The following EXO1 variants were observed in gnomAD, a reference collection of about 807,000 sequenced individuals.
EXO1 encodes exonuclease 1.
A neutral mutation model predicts 84.5 loss-of-function variants in EXO1; 69 were observed. The ratio of observed to expected loss-of-function variants is 0.82; its 90% CI spans 0.67 to 1.00. EXO1 has a LOEUF of 1.00. Among genes scored for constraint, EXO1 ranks in the 50% least tolerant of loss-of-function variants. The pLI, the probability that EXO1 is intolerant of heterozygous loss-of-function variation, is 0.00. For synonymous variants in EXO1, 373 were observed against 366.1 expected, an observed-to-expected ratio of 1.02 and a Z score of -0.21; for missense variants, 1,045 against 1,000.7, an observed-to-expected ratio of 1.04 and a Z score of -0.60.
intron 7 of EXO1, among the ~76,000 whole-genome samples, chr1:241,857,903 G>A (rs1661155811): frequency 6.6e-6 from 1 of 152,190 alleles, no homozygotes; most frequent in African/African-American, 2.4e-5. Context: ...TTGCCATGCA[G>A]TTATTTAGAA....
At chr1:241,860,149 A>C (rs1661294486) in intron 8 of EXO1, among the ~76,000 whole-genome samples, 1 of 152,184 alleles carries the variant, frequency 6.6e-6, no homozygotes, top group South Asian at 2.1e-4. Context: ...ATGATCTAGA[A>C]ATATTTGCAT....
chr1:241,850,654 C>T (rs1392719978), intron 4 of EXO1, 68 bp downstream of exon 4: 1 of 1,297,926 alleles, frequency 7.7e-7, no homozygotes, highest in Non-Finnish European at 1.1e-6. Flanking sequence ...TTTTTTCTCC[C>T]CCAGAAACGG....
intron 15 of EXO1, among the ~76,000 whole-genome samples, chr1:241,886,180 AAC>A (rs1470791044): frequency 6.6e-6 from 1 of 152,204 alleles, no homozygotes; most frequent in Non-Finnish European, 1.5e-5. Flanking sequence ...AAGGGGTAGA[AAC>A]ACAGTGCAAT....
At chr1:241,854,447 A>G (rs971326389) in intron 6 of EXO1, 4 of 152,258 alleles carry the variant, frequency 2.6e-5, no homozygotes, top group African/African-American at 4.8e-5. Flanking sequence ...TGTTAAAGGT[A>G]TGATGGTAAA....
intron 12 of EXO1, among the ~76,000 whole-genome samples, chr1:241,874,324 G>A (rs554327685): frequency 3.3e-5 from 5 of 152,310 alleles, no homozygotes; most frequent in Admixed American, 6.5e-5. Flanking sequence ...GCTTGAACCC[G>A]GGAGGAGGTT....
chr1:241,884,450 T>C (rs1662928720), intron 14 of EXO1, among the ~76,000 whole-genome samples: 1 of 152,188 alleles, frequency 6.6e-6, no homozygotes. Flanking sequence ...CAACCCTTAG[T>C]AGAAACAGCC....
At chr1:241,871,506 C>T (rs757942052) in intron 11 of EXO1, among the ~76,000 whole-genome samples, 1 of 152,174 alleles carries the variant, frequency 6.6e-6, no homozygotes, top group Admixed American at 6.5e-5. Flanking sequence ...TGACACACAG[C>T]AATCTTCTTG....
Position 241,848,626 on chromosome 1 carries a change from G to C in EXO1, c.-419-105G>C, listed in dbSNP as rs924802240. 2.0e-5 allele frequency: 3 copies of C among 152,376 alleles called. No homozygotes were observed. The highest frequency in any genetic ancestry group is 7.2e-5 in the African/African-American group (3 of 41,584). The allele number at this position is 152,376 out of a possible 1,614,324, so 9.4% of individuals were successfully genotyped here. The stretch of plus-strand genomic sequence containing the variant: ...CCGGGCTGGAGCAGGCGCCAGGGTT[G>C]CCAGACTTACCTCATTTTTCCGCAG... On this transcript the variant is annotated intron_variant, in intron 1 of 15. Coordinates refer to ENST00000366548, the MANE Select transcript of EXO1 (RefSeq NM_130398.4). This position sits in a 1 kb window ranked among gnomAD's most constrained non-coding sequence, Gnocchi z 4.2.
rs149029711 is a variant in EXO1, at chr1:241,866,834, C to T, written c.1046C>T (p.Ala349Val). 6.9e-6 allele frequency: 11 copies of T among 1,602,100 alleles called. No individual in the cohort carries two copies. The African/African-American group carries it at 9.4e-5, about 14-fold the overall frequency. The change falls in exon 11 of 16, where the codon GCC becomes GTC. Residue 349 changes from alanine to valine, a missense_variant. Physicochemically the swap from Ala to Val is moderately conservative, Grantham distance 64. Coordinates refer to ENST00000366548, the MANE Select transcript of EXO1 (RefSeq NM_130398.4). ...TTTTTCCTTTTCCTTTTCTAGCCTG[C>T]CCATTCAAGAAGTCATAGTTGGGAT... ...DDYNPDTAMPAHSRSHSWDDK... is the reference protein window; with the variant it reads ...DDYNPDTAMPVHSRSHSWDDK...
chr1:241,884,676 T>TGTGTGTGTGC (rs1247623968), intron 14 of EXO1, among the ~76,000 whole-genome samples: 1 of 141,532 alleles, frequency 7.1e-6, no homozygotes, highest in African/African-American at 2.6e-5. Flanking sequence ...TGTGTGTGTG[T>TGTGTGTGTGC]GCACGTGCAC....
intron 10 of EXO1, among the ~76,000 whole-genome samples, chr1:241,865,119 C>T (rs932642001): frequency 3.3e-5 from 5 of 151,082 alleles, no homozygotes; most frequent in African/African-American, 7.3e-5. Flanking sequence ...GTCATTCTGC[C>T]TTGGCCTCCA....
chr1:241,852,389 G>A lies in EXO1; in HGVS notation c.259G>A (p.Glu87Lys), dbSNP rs770682554. ...TGGATGTACTTTACCTTCTAAAAAG[G>A]AAGTAGAGAGATCTAGAAGAGAGTA... ...FDGCTLPSKKEVERSRRERRQ... is the reference protein window; with the variant it reads ...FDGCTLPSKKKVERSRRERRQ... Residue 87 changes from glutamate (E) to lysine (K), a missense_variant, in exon 5 of 16, where the codon GAA becomes AAA. By Grantham distance (56) the Glu-to-Lys change is moderately conservative. Transcript: ENST00000366548. 6.3e-7 allele frequency: 1 copy of A among 1,595,398 alleles called. No individual in the cohort carries two copies. The highest frequency in any genetic ancestry group is 1.1e-5 in the South Asian group (1 of 90,692).
chr1:241,857,109 A>G (rs1661098187), intron 6 of EXO1, among the ~76,000 whole-genome samples: 2 of 152,292 alleles, frequency 1.3e-5, no homozygotes, highest in South Asian at 2.1e-4. Context: ...GTGTAGCAGT[A>G]TTTCTTTTCT....
Position 241,860,504 on chromosome 1 carries a change from C to A in EXO1, c.757-13C>A. 2 of 1,590,310 alleles carry A rather than the reference C, an allele frequency of 1.3e-6. No individual in the cohort carries two copies. Among genetic ancestry groups the A allele is most frequent in the Non-Finnish European group, 1.7e-6 (2 of 1,158,426 alleles). On this transcript the variant is annotated splice_polypyrimidine_tract_variant and intron_variant, in intron 8 of 15. Coordinates refer to ENST00000366548, the MANE Select transcript of EXO1 (RefSeq NM_130398.4). ...TTTAGTTGCAGATAAAATATTTTTGCATGCATTGTTAGGTTATCAAGAAAA... is the reference window on the plus strand; with the variant it reads ...TTTAGTTGCAGATAAAATATTTTTGAATGCATTGTTAGGTTATCAAGAAAA...
Position 241,879,367 on chromosome 1 carries a change from G to A in EXO1, c.2109+24G>A, listed in dbSNP as rs780971445. 5.6e-6 allele frequency: 8 copies of A among 1,429,410 alleles called. No homozygotes were observed. The East Asian group carries it at 1.6e-4, about 28-fold the overall frequency. The allele number at this position is 1,429,410 out of a possible 1,614,324, so 88.5% of individuals were successfully genotyped here. ...AGGTAAGTCAAATCCTGAAGGCTTT[G>A]TTTTCAAATTTATATGTAAGAAAAA... On this transcript the variant is annotated intron_variant, in intron 13 of 15. Transcript: ENST00000366548.
At chr1:241,855,261 A>G (rs1190732671) in intron 6 of EXO1, among the ~76,000 whole-genome samples, 1 of 150,734 alleles carries the variant, frequency 6.6e-6, no homozygotes, top group East Asian at 2.0e-4. Flanking sequence ...TGAGCTGGAC[A>G]CAAAGATTCT....
chr1:241,857,088 TTC>T (rs1193430921), intron 6 of EXO1, among the ~76,000 whole-genome samples: 2 of 152,222 alleles, frequency 1.3e-5, no homozygotes, highest in Admixed American at 1.3e-4. Context: ...GGATTCTTTT[TTC>T]CTCTGGCTGT....
rs1458712016 is a variant in EXO1 at position 241,860,563 on chromosome 1, C to T, written c.803C>T (p.Pro268Leu). ...TATCTCAAGATGAATATCACGGTAC[C>T]AGAGGATTACATCAACGGGTTTATT... Reference protein sequence around the residue: ...GHYLKMNITVPEDYINGFIRA... With the variant: ...GHYLKMNITVLEDYINGFIRA... Residue 268 changes from proline to leucine, a missense_variant, in exon 9 of 16, where the codon CCA (proline) becomes CTA (leucine). Physicochemically the swap from Pro to Leu is moderately conservative, Grantham distance 98 (BLOSUM62 -3). Transcript: ENST00000366548. 6 of 1,613,824 alleles carry T rather than the reference C, an allele frequency of 3.7e-6. No homozygotes were observed. The highest frequency in any genetic ancestry group is 1.3e-5 in the African/African-American group (1 of 74,900).
intron 15 of EXO1, among the ~76,000 whole-genome samples, chr1:241,888,397 C>T (rs866227156): frequency 4.2e-5 from 4 of 96,152 alleles, no homozygotes; most frequent in Non-Finnish European, 8.2e-5. Context: ...ATGACTCGTA[C>T]GGTGTGATGC....
Sources: allele counts gnomAD v4.1 joint callset (sites outside exome capture counted in the v4.1 genomes callset), GRCh38; gene constraint gnomAD v4.1.1; non-coding constraint Gnocchi (gnomAD v3.1); transcripts MANE v1.5; gene names NCBI Gene and HGNC (gene_info 2026-07-23, HGNC 2026-07-21).